Variants in ARHGAP6 observed in about 807,000 individuals in gnomAD.
ARHGAP6 encodes the protein rho GTPase-activating protein 6.
Under a neutral mutation model 55.7 loss-of-function variants are expected in ARHGAP6, and 16 were observed. The observed-to-expected ratio is 0.29, with a 90% CI of 0.19 to 0.44. The LOEUF (loss-of-function observed/expected upper bound fraction) is 0.44. ARHGAP6 is among the 20% of genes least tolerant of loss of function. The probability of loss-of-function intolerance (pLI) is 1.00; values close to 1 mark genes in which losing one functional copy is unlikely to be tolerated. For missense variants in ARHGAP6, 698 were observed against 808.9 expected (o/e 0.86, Z 1.66); for synonymous variants, 382 against 360.9 (o/e 1.06, Z -0.66).
At chrX:11,577,943 G>A (rs1238797939) in intron 1 of ARHGAP6, among the ~76,000 whole-genome samples, 2 of 111,374 alleles carry the variant, frequency 1.8e-5, no homozygotes, top group Non-Finnish European at 3.8e-5. Context: ...CCACATCATA[G>A]TCATCGTCTT....
intron 1 of ARHGAP6, among the ~76,000 whole-genome samples, chrX:11,430,544 T>G (rs1041461379): frequency 8.9e-6 from 1 of 112,140 alleles, no homozygotes; most frequent in Admixed American, 9.4e-5. Flanking sequence ...TAGAAGATCA[T>G]GCAGAACTCT....
intron 1 of ARHGAP6, among the ~76,000 whole-genome samples, chrX:11,454,733 G>A (rs1386319132): frequency 3.6e-5 from 4 of 112,245 alleles, no homozygotes; most frequent in Non-Finnish European, 5.6e-5. Context: ...TGAAACAAAT[G>A]GTTCAACAAG....
chrX:11,179,419 A>T lies in ARHGAP6; in HGVS notation c.1363T>A (p.Ser455Thr), dbSNP rs1409079068. Residue 455 changes from serine (S) to threonine (T), a missense_variant, in exon 7 of 13, where the codon TCT becomes ACT. Physicochemically the swap from Ser to Thr is moderately conservative, Grantham distance 58 (BLOSUM62 1). Coordinates refer to ENST00000337414, the MANE Select transcript of ARHGAP6 (RefSeq NM_013427.3). ...TGAACACTGTGCTCCTCCTCCAGAG[A>T]GACATCAATCCCACGGTCAAATTCC... Reference protein sequence around the residue: ...REEFDRGIDVSLEEEHSVHDV... With the variant: ...REEFDRGIDVTLEEEHSVHDV... The T allele has an allele frequency of 8.3e-7, 1 of 1,207,738 alleles. No homozygotes were observed. Among genetic ancestry groups the T allele is most frequent in the African/African-American group, 1.8e-5 (1 of 56,795 alleles).
chrX:11,427,908 C>T (rs899330404), intron 1 of ARHGAP6: 2 of 524,886 alleles, frequency 3.8e-6, no homozygotes, highest in African/African-American at 2.5e-5. Flanking sequence ...TAATTCCTTC[C>T]GCTCCTGGCG....
chrX:11,536,415 G>A (rs1226711199), intron 1 of ARHGAP6, among the ~76,000 whole-genome samples: 1 of 111,678 alleles, frequency 9.0e-6, no homozygotes, highest in Admixed American at 9.5e-5. Flanking sequence ...TCCCTAATGG[G>A]ATTGCAGCCC....
At chrX:11,636,591 T>C (rs1046607068) in intron 1 of ARHGAP6, among the ~76,000 whole-genome samples, 4 of 111,476 alleles carry the variant, frequency 3.6e-5, no homozygotes, top group African/African-American at 1.3e-4. Context: ...AAAAGGGTTA[T>C]GTGGATTTTC....
Position 11,427,755 on chromosome X carries a change from G to A in ARHGAP6, c.589-173048C>T, listed in dbSNP as rs910525824. On this transcript the variant is annotated intron_variant, in intron 1 of 12. Coordinates refer to ENST00000337414, the MANE Select transcript of ARHGAP6 (RefSeq NM_013427.3). Reference sequence around the variant, plus strand: ...CAAAGCGCCCCTGGCACAGCGTCCCGCTGCCGCTGCGGAGCCGGTGGGGAC... The same window carrying A: ...CAAAGCGCCCCTGGCACAGCGTCCCACTGCCGCTGCGGAGCCGGTGGGGAC... 1.2e-5 allele frequency: 9 copies of A among 763,239 alleles called. No individual in the cohort carries two copies. In the South Asian group the frequency reaches 4.0e-4, roughly 34 times the overall value. 62.9% of individuals were successfully genotyped at this position (763,239 alleles called of 1,213,427 possible).
At chrX:11,487,366 G>T (rs2050521675) in intron 1 of ARHGAP6, among the ~76,000 whole-genome samples, 1 of 111,417 alleles carries the variant, frequency 9.0e-6, no homozygotes, top group Non-Finnish European at 1.9e-5. Context: ...GAGCAAGAAA[G>T]GTACGAGGTG....
chrX:11,397,189 A>G (rs937075357), intron 1 of ARHGAP6, among the ~76,000 whole-genome samples: 1 of 111,775 alleles, frequency 8.9e-6, no homozygotes, highest in Non-Finnish European at 1.9e-5. Context: ...TCTCTCTCCT[A>G]CAAGGCATCC....
intron 1 of ARHGAP6, among the ~76,000 whole-genome samples, chrX:11,359,918 A>C (rs2048986560): frequency 1.8e-5 from 2 of 112,079 alleles, no homozygotes; most frequent in South Asian, 7.5e-4. Context: ...GAAATCGATA[A>C]ATTCCTCAAC....
intron 1 of ARHGAP6, among the ~76,000 whole-genome samples, chrX:11,311,538 A>G (rs2048301297): frequency 8.9e-6 from 1 of 111,894 alleles, no homozygotes; most frequent in African/African-American, 3.3e-5. Flanking sequence ...CTGGAGTCAC[A>G]TTTTTGGCCA....
intron 1 of ARHGAP6, chrX:11,298,232 T>G: frequency 8.3e-7 from 1 of 1,211,423 alleles, no homozygotes; most frequent in South Asian, 1.8e-5. Flanking sequence ...CTTTTTCTCT[T>G]AAGGTGCTTA....
chrX:11,628,911 A>C (rs1034263299), intron 1 of ARHGAP6, among the ~76,000 whole-genome samples: 1 of 111,847 alleles, frequency 8.9e-6, no homozygotes, highest in Non-Finnish European at 1.9e-5. Context: ...AACCACAGCT[A>C]ATTTTGGTCA....
chrX:11,625,188 G>A (rs756092880), intron 1 of ARHGAP6, among the ~76,000 whole-genome samples: 5 of 111,453 alleles, frequency 4.5e-5, no homozygotes, highest in African/African-American at 1.6e-4. Context: ...AAATGCATCT[G>A]TCAAAGATAT....
chrX:11,498,698 T>C (rs1287836821), intron 1 of ARHGAP6, among the ~76,000 whole-genome samples: 1 of 111,406 alleles, frequency 9.0e-6, no homozygotes, highest in East Asian at 2.8e-4. Context: ...TAGTAAAAAG[T>C]AAACCAAAGT....
intron 1 of ARHGAP6, among the ~76,000 whole-genome samples, chrX:11,457,396 T>C (rs1368149775): frequency 9.0e-6 from 1 of 111,352 alleles, no homozygotes; most frequent in Non-Finnish European, 1.9e-5. Context: ...TTGTGATGGA[T>C]GGTAAGTTTG....
At chrX:11,196,482 A>T (rs1292598694) in intron 3 of ARHGAP6, among the ~76,000 whole-genome samples, 2 of 111,498 alleles carry the variant, frequency 1.8e-5, no homozygotes, top group Non-Finnish European at 3.8e-5. Context: ...TGAAAAAAAA[A>T]ATGCTGAGAA....
At chrX:11,427,927 C>CT in intron 1 of ARHGAP6, 1 of 402,759 alleles carries the variant, frequency 2.5e-6, no homozygotes, top group Non-Finnish European at 3.1e-6. Context: ...CGGGTCCCTC[C>CT]GGCGGCCGCC....
intron 1 of ARHGAP6, among the ~76,000 whole-genome samples, chrX:11,474,329 C>A: frequency 8.9e-6 from 1 of 112,104 alleles, no homozygotes; most frequent in Non-Finnish European, 1.9e-5. Context: ...ACCACCTTTT[C>A]TAGATCTAAT....
Sources: gnomAD v4.1 joint callset for allele counts (sites outside exome capture counted in the v4.1 genomes callset) on GRCh38, gnomAD v4.1.1 for gene constraint, MANE v1.5 for transcripts, NCBI Gene and HGNC (gene_info 2026-07-23, HGNC 2026-07-21) for gene names.